SYNPR: variants seen among roughly 807,000 people sequenced by gnomAD.
SYNPR encodes synaptoporin.
Under a neutral mutation model 32.9 loss-of-function variants are expected in SYNPR, and 23 were observed. The ratio of observed to expected loss-of-function variants is 0.70; its 90% CI spans 0.50 to 0.99. The LOEUF (loss-of-function observed/expected upper bound fraction) is 0.99. Among genes scored for constraint, SYNPR ranks in the 50% least tolerant of loss-of-function variants. SYNPR has a pLI of 0.00. For synonymous variants in SYNPR, 146 were observed against 135.9 expected, an observed-to-expected ratio of 1.07 and a Z score of -0.52; for missense variants, 318 against 349.3, an observed-to-expected ratio of 0.91 and a Z score of 0.71.
At chr3:63,558,987 A>G (rs949421727) in intron 4 of SYNPR, among the ~76,000 whole-genome samples, 2 of 152,068 alleles carry the variant, frequency 1.3e-5, no homozygotes, top group East Asian at 3.8e-4. Flanking sequence ...ATATCTGTTC[A>G]TTATAACAGA....
At chr3:63,262,654 G>C (rs531611798) in intron 2 of SYNPR, among the ~76,000 whole-genome samples, 1 of 152,120 alleles carries the variant, frequency 6.6e-6, no homozygotes, top group Non-Finnish European at 1.5e-5. Flanking sequence ...GATGGGGACC[G>C]TGCCAAAGCC....
At chr3:63,239,672 A>G (rs1307051528) in intron 1 of SYNPR, among the ~76,000 whole-genome samples, 1 of 151,312 alleles carries the variant, frequency 6.6e-6, no homozygotes. Context: ...CACCCACCTT[A>G]CCATTGTCAT....
the SYNPR span, among the ~76,000 whole-genome samples, chr3:63,209,600 A>G: frequency 3.3e-5 from 5 of 152,224 alleles, no homozygotes; most frequent in African/African-American, 1.2e-4. Flanking sequence ...TGGTTTTACC[A>G]GCATGTTCTG....
intron 4 of SYNPR, among the ~76,000 whole-genome samples, chr3:63,576,256 G>A (rs1702977850): frequency 6.6e-6 from 1 of 152,056 alleles, no homozygotes; most frequent in Non-Finnish European, 1.5e-5. Context: ...AATGTTACTT[G>A]GTATTTAACA....
intron 2 of SYNPR, among the ~76,000 whole-genome samples, chr3:63,304,354 T>TG: frequency 6.8e-6 from 1 of 146,622 alleles, no homozygotes; most frequent in African/African-American, 2.5e-5. Flanking sequence ...GTGTGTGTGT[T>TG]TGTGTGTGTG....
chr3:63,235,486 G>A (rs2086194113), intron 1 of SYNPR, among the ~76,000 whole-genome samples: 1 of 152,172 alleles, frequency 6.6e-6, no homozygotes, highest in Non-Finnish European at 1.5e-5. Context: ...GAATCTGCTG[G>A]ATTGTCTGTT....
At chr3:63,363,530 C>A (rs1357314886) in intron 2 of SYNPR, among the ~76,000 whole-genome samples, 1 of 152,192 alleles carries the variant, frequency 6.6e-6, no homozygotes. Context: ...TATTCATGAT[C>A]TGGCAGCTGA....
intron 2 of SYNPR, among the ~76,000 whole-genome samples, chr3:63,365,271 C>T (rs995706511): frequency 2.6e-5 from 4 of 152,062 alleles, no homozygotes; most frequent in African/African-American, 9.7e-5. Flanking sequence ...TGTTCAACAA[C>T]CAGAAAAATA....
chr3:63,545,688 T>C (rs2106812084), intron 3 of SYNPR, among the ~76,000 whole-genome samples: 1 of 152,240 alleles, frequency 6.6e-6, no homozygotes, highest in Admixed American at 6.6e-5. Context: ...ATATTAAAGA[T>C]TGTGTTTAAT....
At chr3:63,327,680 T>C (rs1188181526) in intron 2 of SYNPR, among the ~76,000 whole-genome samples, 1 of 152,142 alleles carries the variant, frequency 6.6e-6, no homozygotes, top group Non-Finnish European at 1.5e-5. Context: ...AGAAACTAGA[T>C]ACAAAAGACA....
chr3:63,266,854 G>A (rs115314355), intron 2 of SYNPR, among the ~76,000 whole-genome samples: 1 of 152,052 alleles, frequency 6.6e-6, no homozygotes, highest in African/African-American at 2.4e-5. Context: ...GGTGCCGGGA[G>A]TCCATGGTAC....
At chr3:63,428,732 T>C (rs1026709023) in intron 2 of SYNPR, among the ~76,000 whole-genome samples, 7 of 152,214 alleles carry the variant, frequency 4.6e-5, no homozygotes, top group African/African-American at 7.2e-5. Context: ...ATAGATCATG[T>C]GTCTCTTCAG....
intron 2 of SYNPR, among the ~76,000 whole-genome samples, chr3:63,304,750 T>C (rs531519933): frequency 1.3e-5 from 2 of 150,374 alleles, no homozygotes; most frequent in East Asian, 3.9e-4. Flanking sequence ...AGTTGGCCTT[T>C]TTAGAAGCTA....
At chr3:63,396,097 G>A (rs1297313582) in intron 2 of SYNPR, among the ~76,000 whole-genome samples, 2 of 152,110 alleles carry the variant, frequency 1.3e-5, no homozygotes, top group South Asian at 4.2e-4. Flanking sequence ...AAACAGCTAC[G>A]ACGTGTTATA....
chr3:63,489,180 A>T (rs558032473), intron 3 of SYNPR, among the ~76,000 whole-genome samples: 6 of 152,318 alleles, frequency 3.9e-5, no homozygotes, highest in South Asian at 2.1e-4. Flanking sequence ...AATTGGCAAG[A>T]TACCACCATT....
intron 2 of SYNPR, among the ~76,000 whole-genome samples, chr3:63,263,590 T>C (rs571075558): frequency 1.3e-5 from 2 of 152,306 alleles, no homozygotes; most frequent in Non-Finnish European, 2.9e-5. Flanking sequence ...GGGGCAGCTT[T>C]ACCAAGGATA....
At chr3:63,482,396 C>G (rs1701066476) in intron 3 of SYNPR, among the ~76,000 whole-genome samples, 1 of 152,102 alleles carries the variant, frequency 6.6e-6, no homozygotes, top group Non-Finnish European at 1.5e-5. Context: ...TTATCTCACT[C>G]AGAAGCTCCA....
At chr3:63,325,234 C>A (rs2087153497) in intron 2 of SYNPR, among the ~76,000 whole-genome samples, 1 of 152,066 alleles carries the variant, frequency 6.6e-6, no homozygotes, top group African/African-American at 2.4e-5. Flanking sequence ...TTAGATCTTG[C>A]AGATAATAGT....
At chr3:63,208,996 C>T in the SYNPR span, among the ~76,000 whole-genome samples, 1 of 152,116 alleles carries the variant, frequency 6.6e-6, no homozygotes, top group South Asian at 2.1e-4. Context: ...GTCATTGTCA[C>T]TCCATTCTCC....
Sources: allele counts gnomAD v4.1 joint callset (sites outside exome capture counted in the v4.1 genomes callset), GRCh38; gene constraint gnomAD v4.1.1; transcripts MANE v1.5; gene names NCBI Gene and HGNC (gene_info 2026-07-23, HGNC 2026-07-21).